CDKAL1: variants seen among roughly 807,000 people sequenced by gnomAD.
The protein encoded by CDKAL1 is CDKAL1 threonylcarbamoyladenosine tRNA methylthiotransferase.
Under a neutral mutation model 68.2 loss-of-function variants are expected in CDKAL1, and 32 were observed. The observed-to-expected ratio is 0.47, with a 90% CI of 0.35 to 0.63. The LOEUF is 0.63. Among genes scored for constraint, CDKAL1 ranks in the 30% least tolerant of loss-of-function variants. The probability of loss-of-function intolerance (pLI) is 0.00; values close to 1 mark genes in which losing one functional copy is unlikely to be tolerated. For missense variants in CDKAL1, 606 were observed against 696.7 expected (o/e 0.87, Z 1.47); for synonymous variants, 234 against 244.3 (o/e 0.96, Z 0.39).
intron 4 of CDKAL1, among the ~76,000 whole-genome samples, chr6:20,609,288 T>TCTTCTCCTCCTCCTC (rs1766487506): frequency 6.9e-6 from 1 of 144,832 alleles, no homozygotes; most frequent in Non-Finnish European, 1.5e-5. Context: ...TCCTTCTCCT[T>TCTTCTCCTCCTCCTC]CTTCTCCTTC....
intron 8 of CDKAL1, among the ~76,000 whole-genome samples, chr6:20,822,511 G>C (rs1777327406): frequency 6.6e-6 from 1 of 152,152 alleles, no homozygotes; most frequent in African/African-American, 2.4e-5. Context: ...CCAGGCCAGA[G>C]TGGCAAACAG....
chr6:20,846,092 C>A lies in CDKAL1; in HGVS notation c.656C>A (p.Thr219Asn). 6.2e-7 allele frequency: 1 copy of A among 1,611,764 alleles called. No individual in the cohort carries two copies. Among genetic ancestry groups the A allele is most frequent in the Non-Finnish European group, 8.5e-7 (1 of 1,178,342 alleles). ...TTGAACAGGTGTCTCAATGCTTGTA[C>A]CTACTGCAAAACTAAACACGCCAGA... The part of the protein sequence containing the change: ...SINTGCLNAC[T>N]YCKTKHARGN... The change falls in exon 9 of 16, where the codon ACC (threonine) becomes AAC (asparagine). Residue 219 changes from threonine to asparagine, a missense_variant. Thr to Asn is a moderately conservative substitution (Grantham distance 65, BLOSUM62 0). Transcript: ENST00000274695.
At chr6:20,680,215 C>T (rs1770313213) in intron 5 of CDKAL1, among the ~76,000 whole-genome samples, 1 of 151,998 alleles carries the variant, frequency 6.6e-6, no homozygotes, top group Non-Finnish European at 1.5e-5. Context: ...TACAGGTGCC[C>T]ACCACCATGC....
chr6:21,054,518 T>C (rs1770724385), intron 11 of CDKAL1, among the ~76,000 whole-genome samples: 3 of 152,196 alleles, frequency 2.0e-5, no homozygotes, highest in Admixed American at 2.0e-4. Context: ...AGGAGTTGCA[T>C]TGACTCTATA....
intron 9 of CDKAL1, among the ~76,000 whole-genome samples, chr6:20,913,394 G>A (rs1182551299): frequency 1.3e-5 from 2 of 152,066 alleles, no homozygotes; most frequent in Admixed American, 1.3e-4. Flanking sequence ...ACTGGCTGCT[G>A]GATGGAAGCT....
intron 2 of CDKAL1, among the ~76,000 whole-genome samples, chr6:20,544,464 C>T (rs1262079516): frequency 1.9e-4 from 29 of 151,432 alleles, no homozygotes; most frequent in Admixed American, 1.6e-3. Context: ...GGCATGGTGG[C>T]GCGCGCCTGT....
chr6:20,801,459 T>C (rs1776361037), intron 8 of CDKAL1, among the ~76,000 whole-genome samples: 1 of 152,056 alleles, frequency 6.6e-6, no homozygotes, highest in African/African-American at 2.4e-5. Context: ...TTATGTCATA[T>C]CTTTCTTCAT....
At chr6:21,107,727 C>T (rs1211229334) in intron 12 of CDKAL1, among the ~76,000 whole-genome samples, 1 of 152,150 alleles carries the variant, frequency 6.6e-6, no homozygotes, top group African/African-American at 2.4e-5. Context: ...CCACCATGCT[C>T]GGCCAAAAGA....
At position 21,231,050 on chromosome 6, in the gene CDKAL1, A is replaced by G. The variant is rs746799425; in HGVS notation, c.*11A>G. The G allele has an allele frequency of 6.4e-7, 1 of 1,565,546 alleles. No homozygotes were observed. Among genetic ancestry groups the G allele is most frequent in the Non-Finnish European group, 8.7e-7 (1 of 1,145,690 alleles). On this transcript the variant is annotated 3_prime_UTR_variant, in exon 16 of 16. Transcript: ENST00000274695. ...AAGGTCTATAATTAGAATACAACTAATGGAAACATCTATAAAGAAGAATAC... is the reference window on the plus strand; with the variant it reads ...AAGGTCTATAATTAGAATACAACTAGTGGAAACATCTATAAAGAAGAATAC...
At chr6:20,983,456 C>T (rs888645662) in intron 10 of CDKAL1, among the ~76,000 whole-genome samples, 1 of 152,198 alleles carries the variant, frequency 6.6e-6, no homozygotes, top group East Asian at 1.9e-4. Flanking sequence ...TGCAGTGGCT[C>T]ACGCCTGTGG....
intron 13 of CDKAL1, among the ~76,000 whole-genome samples, chr6:21,176,993 G>A (rs1432321044): frequency 6.6e-6 from 1 of 152,094 alleles, no homozygotes; most frequent in Non-Finnish European, 1.5e-5. Context: ...CACTGCGCCT[G>A]GCCAGATGTT....
chr6:20,811,785 TAAAAA>T (rs370931927), intron 8 of CDKAL1, among the ~76,000 whole-genome samples: 1 of 103,624 alleles, frequency 9.7e-6, no homozygotes, highest in African/African-American at 3.7e-5. Flanking sequence ...TACCTAGTAG[TAAAAA>T]AAAAAAAAAA....
intron 13 of CDKAL1, among the ~76,000 whole-genome samples, chr6:21,109,084 T>G (rs1773998109): frequency 6.6e-6 from 1 of 152,218 alleles, no homozygotes; most frequent in African/African-American, 2.4e-5. Flanking sequence ...GTAAGTATTT[T>G]ACAATATATT....
chr6:20,963,052 T>C (rs1765131752), intron 10 of CDKAL1, among the ~76,000 whole-genome samples: 1 of 152,224 alleles, frequency 6.6e-6, no homozygotes, highest in Non-Finnish European at 1.5e-5. Context: ...AGGGCTCATA[T>C]ACATTTTCTT....
At chr6:20,688,604 CT>C (rs1387974115) in intron 5 of CDKAL1, among the ~76,000 whole-genome samples, 7 of 151,892 alleles carry the variant, frequency 4.6e-5, no homozygotes, top group Non-Finnish European at 4.4e-5. Context: ...GTTTTTTGTT[CT>C]GTTTTAGAAT....
chr6:20,711,698 A>G (rs1445123328), intron 5 of CDKAL1, among the ~76,000 whole-genome samples: 1 of 152,242 alleles, frequency 6.6e-6, no homozygotes, highest in Non-Finnish European at 1.5e-5. Flanking sequence ...TCCATGGCTT[A>G]ATGATATCTT....
intron 11 of CDKAL1, among the ~76,000 whole-genome samples, chr6:21,059,704 G>A (rs1034141112): frequency 6.6e-6 from 1 of 152,004 alleles, no homozygotes. Context: ...CATTCTTCAC[G>A]GTGGGAGCCA....
chr6:20,633,201 A>T (rs555480688), intron 4 of CDKAL1, among the ~76,000 whole-genome samples: 1 of 152,308 alleles, frequency 6.6e-6, no homozygotes, highest in Admixed American at 6.5e-5. Flanking sequence ...CAGTCCTCCT[A>T]TCCCTCTCAG....
intron 4 of CDKAL1, among the ~76,000 whole-genome samples, chr6:20,582,978 G>A (rs898833793): frequency 1.3e-5 from 2 of 151,900 alleles, no homozygotes; most frequent in African/African-American, 4.9e-5. Context: ...ACTGGAGAGA[G>A]TAAAAAGAGG....
Sources: allele counts gnomAD v4.1 joint callset (sites outside exome capture counted in the v4.1 genomes callset), GRCh38; gene constraint gnomAD v4.1.1; transcripts MANE v1.5; gene names NCBI Gene and HGNC (gene_info 2026-07-23, HGNC 2026-07-21).